The following ZFHX4 variants were observed in gnomAD, a reference collection of about 807,000 sequenced individuals.
The protein encoded by ZFHX4 is zinc finger homeobox 4, also known as zinc finger homeobox protein 4.
ZFHX4 carries 56 observed loss-of-function variants against 267.6 expected under a neutral mutation model. The observed-to-expected ratio is 0.21, with a 90% CI of 0.17 to 0.26. ZFHX4 has a LOEUF of 0.26. ZFHX4 is among the 10% of genes least tolerant of loss of function. The pLI is 1.00. For missense variants in ZFHX4, 4,332 were observed against 4,420.0 expected (o/e 0.98, Z 0.56); for synonymous variants, 1,778 against 1,665.6 (o/e 1.07, Z -1.64).
intron 4 of ZFHX4, among the ~76,000 whole-genome samples, chr8:76,832,467 A>T (rs968291117): frequency 5.3e-5 from 8 of 152,154 alleles, no homozygotes; most frequent in Non-Finnish European, 7.4e-5. Context: ...TTCTAAAAAG[A>T]TGACTCCTGA....
At position 76,720,384 on chromosome 8, in the gene ZFHX4, G is replaced by C. The variant is rs574998509; in HGVS notation, c.3093+12336G>C. On this transcript the variant is annotated intron_variant, in intron 3 of 10. Coordinates refer to ENST00000651372, the MANE Select transcript of ZFHX4 (RefSeq NM_024721.5). Reference sequence around the variant, plus strand: ...TTATTACCAAATTTTCATTGCATAGGTATAGTACACTTTATTTATACCCCA... The same window carrying C: ...TTATTACCAAATTTTCATTGCATAGCTATAGTACACTTTATTTATACCCCA... Among the ~76,000 whole-genome samples the C allele has an allele frequency of 2.6e-5, 4 of 152,170 alleles. No homozygotes were observed. In the East Asian group the frequency reaches 7.7e-4, roughly 29 times the overall value.
intron 1 of ZFHX4, among the ~76,000 whole-genome samples, chr8:76,685,233 A>G (rs1807662057): frequency 6.6e-6 from 1 of 152,238 alleles, no homozygotes; most frequent in Non-Finnish European, 1.5e-5. Flanking sequence ...ACAATGTGTC[A>G]TTTCCACGAA....
intron 4 of ZFHX4, among the ~76,000 whole-genome samples, chr8:76,814,500 T>C (rs1228983586): frequency 6.6e-6 from 1 of 152,190 alleles, no homozygotes; most frequent in Non-Finnish European, 1.5e-5. Context: ...ATTATTCGTA[T>C]GTACAGTTTT....
chr8:76,684,611 A>G (rs1210072800), intron 1 of ZFHX4, among the ~76,000 whole-genome samples: 1 of 152,256 alleles, frequency 6.6e-6, no homozygotes, highest in African/African-American at 2.4e-5. Flanking sequence ...GAACAAAGAA[A>G]GGTCAGGTAA....
intron 4 of ZFHX4, among the ~76,000 whole-genome samples, chr8:76,781,343 A>G (rs1312859027): frequency 6.6e-6 from 1 of 152,088 alleles, no homozygotes; most frequent in Non-Finnish European, 1.5e-5. Context: ...ACTATTGTCT[A>G]CTTAACAAGC....
At chr8:76,764,953 A>G (rs1286434429) in intron 3 of ZFHX4, among the ~76,000 whole-genome samples, 1 of 152,126 alleles carries the variant, frequency 6.6e-6, no homozygotes, top group East Asian at 1.9e-4. Context: ...TGGTTCAAAT[A>G]CAACCTGCTG....
intron 1 of ZFHX4, among the ~76,000 whole-genome samples, chr8:76,697,659 G>A (rs1238192892): frequency 6.6e-6 from 1 of 151,976 alleles, no homozygotes; most frequent in Non-Finnish European, 1.5e-5. Flanking sequence ...AATTGAGGGA[G>A]GGGGTCTGTG....
chr8:76,686,235 G>T (rs901824880), intron 1 of ZFHX4, among the ~76,000 whole-genome samples: 1 of 152,264 alleles, frequency 6.6e-6, no homozygotes, highest in East Asian at 1.9e-4. Flanking sequence ...TCTGTTAAAA[G>T]AAATGCACAT....
At chr8:76,723,447 C>G (rs1484155744) in intron 3 of ZFHX4, among the ~76,000 whole-genome samples, 1 of 151,858 alleles carries the variant, frequency 6.6e-6, no homozygotes, top group Non-Finnish European at 1.5e-5. Flanking sequence ...GCTTGTTTCC[C>G]ATTGTTTTGC....
intron 4 of ZFHX4, among the ~76,000 whole-genome samples, chr8:76,788,155 G>A (rs1296291701): frequency 6.6e-6 from 1 of 152,178 alleles, no homozygotes; most frequent in East Asian, 1.9e-4. Context: ...TAGTAACATA[G>A]TTGTCTCCAG....
In ZFHX4 at chr8:76,855,810, G is replaced by A. The variant is rs1249357885; in HGVS notation, c.8889G>A (p.Gly2963=). ...CCATGCAAGAATGTGAAATGTTAGG[G>A]AATGAGATTGGTCTGCCCAAACGCG... ...TPTMQECEML[G]NEIGLPKRVV... The change falls in exon 10 of 11, where the codon GGG becomes GGA. Residue 2963 remains glycine (G), a synonymous_variant. Coordinates refer to ENST00000651372, the MANE Select transcript of ZFHX4 (RefSeq NM_024721.5). The A allele has an allele frequency of 6.2e-7, 1 of 1,613,918 alleles. No individual in the cohort carries two copies. Among genetic ancestry groups the A allele is most frequent in the South Asian group, 1.1e-5 (1 of 91,070 alleles).
At chr8:76,840,092 CCTGTAATA>C (rs1408720945) in intron 5 of ZFHX4, among the ~76,000 whole-genome samples, 1 of 152,128 alleles carries the variant, frequency 6.6e-6, no homozygotes, top group Non-Finnish European at 1.5e-5. Context: ...AAAGAGCCTA[CCTGTAATA>C]AACAGCTTTC....
intron 3 of ZFHX4, among the ~76,000 whole-genome samples, chr8:76,730,512 CCAACATGGT>C (rs1808979725): frequency 6.6e-6 from 1 of 151,974 alleles, no homozygotes; most frequent in Non-Finnish European, 1.5e-5. Flanking sequence ...ACCAGCCTGG[CCAACATGGT>C]CTCAACATCT....
At chr8:76,695,476 T>C (rs1360422114) in intron 1 of ZFHX4, among the ~76,000 whole-genome samples, 1 of 152,240 alleles carries the variant, frequency 6.6e-6, no homozygotes, top group Non-Finnish European at 1.5e-5. Flanking sequence ...AAGTTAACAC[T>C]TAATTTAAAT....
intron 4 of ZFHX4, among the ~76,000 whole-genome samples, chr8:76,783,076 G>C (rs948604589): frequency 6.6e-6 from 1 of 151,842 alleles, no homozygotes; most frequent in African/African-American, 2.4e-5. Flanking sequence ...CTGATGGAAG[G>C]GCTTATAATC....
chr8:76,726,426 C>A (rs1448911567), intron 3 of ZFHX4, among the ~76,000 whole-genome samples: 3 of 152,030 alleles, frequency 2.0e-5, no homozygotes. Context: ...ACATGACCAT[C>A]TCATCAAGAG....
At chr8:76,811,441 T>A (rs1394536375) in intron 4 of ZFHX4, among the ~76,000 whole-genome samples, 1 of 152,334 alleles carries the variant, frequency 6.6e-6, no homozygotes, top group East Asian at 1.9e-4. Context: ...TCTATACTTA[T>A]GACTGTGATT....
At chr8:76,788,118 C>T (rs1810741036) in intron 4 of ZFHX4, among the ~76,000 whole-genome samples, 1 of 152,104 alleles carries the variant, frequency 6.6e-6, no homozygotes, top group African/African-American at 2.4e-5. Flanking sequence ...AGTTTGGAAT[C>T]TTATGAAGGG....
chr8:76,737,837 T>C (rs1313230577), intron 3 of ZFHX4, among the ~76,000 whole-genome samples: 1 of 152,100 alleles, frequency 6.6e-6, no homozygotes, highest in East Asian at 1.9e-4. Context: ...TTTGTCAGAA[T>C]CCATCATAAC....
Sources: gnomAD v4.1 joint callset for allele counts (sites outside exome capture counted in the v4.1 genomes callset) on GRCh38, gnomAD v4.1.1 for gene constraint, MANE v1.5 for transcripts, NCBI Gene and HGNC (gene_info 2026-07-23, HGNC 2026-07-21) for gene names.